SDHAF3: variants seen among roughly 807,000 people sequenced by gnomAD.
SDHAF3 encodes the protein succinate dehydrogenase complex assembly factor 3.
SDHAF3 carries 18 observed loss-of-function variants against 11.5 expected under a neutral mutation model. The ratio of observed to expected loss-of-function variants is 1.56; its 90% CI spans 1.08 to 2.32. The LOEUF (loss-of-function observed/expected upper bound fraction) is 2.32. SDHAF3 is among the 30% of genes most tolerant of loss of function. SDHAF3 has a pLI of 0.00. For missense variants in SDHAF3, 200 were observed against 154.4 expected, an observed-to-expected ratio of 1.30 and a Z score of -1.57; for synonymous variants, 72 against 59.3, an observed-to-expected ratio of 1.21 and a Z score of -0.99.
chr7:97,152,909 C>T (rs1055882520), intron 1 of SDHAF3, among the ~76,000 whole-genome samples: 5 of 152,200 alleles, frequency 3.3e-5, no homozygotes, highest in African/African-American at 1.2e-4. Flanking sequence ...CCCGCCATGC[C>T]CGCCATGGCC....
At chr7:97,145,279 G>C (rs1019291117) in intron 1 of SDHAF3, among the ~76,000 whole-genome samples, 3 of 152,008 alleles carry the variant, frequency 2.0e-5, no homozygotes, top group African/African-American at 7.2e-5. Context: ...TGTCTGGGAA[G>C]ATGTAACTAA....
intron 1 of SDHAF3, among the ~76,000 whole-genome samples, chr7:97,158,653 G>C (rs1461891461): frequency 6.6e-6 from 1 of 152,088 alleles, no homozygotes; most frequent in African/African-American, 2.4e-5. Flanking sequence ...GTAATTCTTT[G>C]AAATGGAAAG....
At chr7:97,172,274 C>T (rs1789611759) in intron 1 of SDHAF3, among the ~76,000 whole-genome samples, 1 of 152,126 alleles carries the variant, frequency 6.6e-6, no homozygotes, top group African/African-American at 2.4e-5. Flanking sequence ...TTAACTATTG[C>T]ATGCTCTTTT....
intron 1 of SDHAF3, 149 bp downstream of exon 1, chr7:97,118,046 G>C: frequency 1.0e-6 from 1 of 996,854 alleles, no homozygotes; most frequent in Non-Finnish European, 1.4e-6. Flanking sequence ...ACTTTCCAAA[G>C]TTTCTCCCAC....
At chr7:97,164,479 C>T (rs1463247532) in intron 1 of SDHAF3, among the ~76,000 whole-genome samples, 3 of 150,098 alleles carry the variant, frequency 2.0e-5, no homozygotes, top group Non-Finnish European at 4.4e-5. Flanking sequence ...CGGATTAAAG[C>T]GATTCTCCTG....
intron 1 of SDHAF3, among the ~76,000 whole-genome samples, chr7:97,165,357 C>CTTTTTTTTTTTTTTTTTTTTTTTTT (rs10653828): frequency 3.9e-5 from 3 of 77,022 alleles, no homozygotes; most frequent in East Asian, 4.3e-4. Flanking sequence ...ATTTTCCTAC[C>CTTTTTTTTTTTTTTTTTTTTTTTTT]TTTTTTTTTT....
In SDHAF3 at chr7:97,119,124, CAA is replaced by C. The variant is rs35040176; in HGVS notation, c.174+1230_174+1231del. ...TAAAATAATAAGTGTTTATGCATCT[CAA>C]AATTTACGTATGTAAATGTATTTAC... On this transcript the variant is annotated intron_variant, in intron 1 of 1. Coordinates refer to ENST00000432641, the MANE Select transcript of SDHAF3 (RefSeq NM_020186.3). Among the ~76,000 whole-genome samples the C allele has an allele frequency of 1.2e-4, 19 of 152,218 alleles. No homozygotes were observed. In the East Asian group the frequency reaches 3.5e-3, roughly 28 times the overall value.
At chr7:97,147,389 A>T (rs1789152233) in intron 1 of SDHAF3, among the ~76,000 whole-genome samples, 1 of 152,238 alleles carries the variant, frequency 6.6e-6, no homozygotes, top group South Asian at 2.1e-4. Flanking sequence ...TTTCAAAAAC[A>T]CTTCATTAAA....
rs75104625 is a variant in SDHAF3 at position 97,142,379 on chromosome 7, T to G, written c.174+24482T>G. On this transcript the variant is annotated intron_variant, in intron 1 of 1. Coordinates refer to ENST00000432641, the MANE Select transcript of SDHAF3 (RefSeq NM_020186.3). ...GAATTGTAGTGTTTATAAAGATTAATAATGTAAACAAAGTCTTAAATTCTG... is the reference window on the plus strand; with the variant it reads ...GAATTGTAGTGTTTATAAAGATTAAGAATGTAAACAAAGTCTTAAATTCTG... Among the ~76,000 whole-genome samples the G allele has an allele frequency of 4.5e-3, 684 of 152,230 alleles. 9 individuals carry two copies. The highest frequency in any genetic ancestry group is 0.016 in the African/African-American group (646 of 41,538).
At chr7:97,176,900 T>C (rs1789687916) in intron 1 of SDHAF3, among the ~76,000 whole-genome samples, 1 of 152,162 alleles carries the variant, frequency 6.6e-6, no homozygotes. Context: ...AATATTTAGT[T>C]CACTTTTTTA....
rs1791426799 is a variant in SDHAF3, at chr7:97,117,774, G to T, written c.51G>T (p.Leu17Phe). ...TCCGGGCATTGTACAAGCGCGTCTT[G>T]CAGCTGCACCGTGTTCTGCCCCCGG... ...SRVRALYKRV[L>F]QLHRVLPPDL... The change falls in exon 1 of 2, where the codon TTG (leucine) becomes TTT (phenylalanine). Residue 17 changes from leucine (L) to phenylalanine (F), a missense_variant. Coordinates refer to ENST00000432641, the MANE Select transcript of SDHAF3 (RefSeq NM_020186.3). 1.2e-6 allele frequency: 2 copies of T among 1,614,186 alleles called. No individual in the cohort carries two copies. The highest frequency in any genetic ancestry group is 2.7e-5 in the African/African-American group (2 of 75,038).
rs1423949125 is a variant in SDHAF3 at position 97,167,594 on chromosome 7, T to TATTA, written c.175-13417_175-13414dup. ...TAGTCGGCTGTACAGGAGATTAGTT[T>TATTA]ATTATTATTCAAATCAATCTCTCCA... On this transcript the variant is annotated intron_variant, in intron 1 of 1. Coordinates refer to ENST00000432641, the MANE Select transcript of SDHAF3 (RefSeq NM_020186.3). 2.6e-5 allele frequency among the ~76,000 whole-genome samples: 4 copies of TATTA among 152,220 alleles called. No homozygotes were observed. In the East Asian group the frequency reaches 7.7e-4, roughly 29 times the overall value.
At chr7:97,178,494 T>C (rs1401204338) in intron 1 of SDHAF3, among the ~76,000 whole-genome samples, 2 of 152,200 alleles carry the variant, frequency 1.3e-5, no homozygotes, top group Admixed American at 6.5e-5. Flanking sequence ...ATTATCAATG[T>C]ATGAGGATTC....
intron 1 of SDHAF3, among the ~76,000 whole-genome samples, chr7:97,148,374 CAAT>C (rs1487349909): frequency 3.9e-5 from 6 of 152,162 alleles, no homozygotes; most frequent in African/African-American, 1.4e-4. Context: ...GTCTCTACAA[CAAT>C]GTTTTAAAAA....
At chr7:97,167,969 G>GC (rs1431856720) in intron 1 of SDHAF3, among the ~76,000 whole-genome samples, 1 of 152,214 alleles carries the variant, frequency 6.6e-6, no homozygotes, top group African/African-American at 2.4e-5. Context: ...GCCTGGGCAT[G>GC]CCCACAGTGA....
intron 1 of SDHAF3, 99 bp downstream of exon 1, chr7:97,117,996 A>C: frequency 7.2e-7 from 1 of 1,393,034 alleles, no homozygotes; most frequent in Non-Finnish European, 9.8e-7. Context: ...CAGAGCAGCA[A>C]CCTGTTCTGT....
chr7:97,127,616 T>C (rs1181758445), intron 1 of SDHAF3, among the ~76,000 whole-genome samples: 3 of 152,202 alleles, frequency 2.0e-5, no homozygotes, highest in African/African-American at 7.2e-5. Flanking sequence ...GATGGGTATT[T>C]GGCTAGTTTT....
At chr7:97,154,924 C>T (rs116000158) in intron 1 of SDHAF3, among the ~76,000 whole-genome samples, 93 of 152,226 alleles carry the variant, frequency 6.1e-4, no homozygotes, top group African/African-American at 2.2e-3. Context: ...TACTCGGGTA[C>T]CTTAGTAAAA....
intron 1 of SDHAF3, among the ~76,000 whole-genome samples, chr7:97,149,416 A>T (rs1056755191): frequency 6.6e-6 from 1 of 152,180 alleles, no homozygotes; most frequent in African/African-American, 2.4e-5. Context: ...ATTGCCAAAC[A>T]ATACATAGTT....
Sources: gnomAD v4.1 joint callset for allele counts (sites outside exome capture counted in the v4.1 genomes callset) on GRCh38, gnomAD v4.1.1 for gene constraint, MANE v1.5 for transcripts, NCBI Gene and HGNC (gene_info 2026-07-23, HGNC 2026-07-21) for gene names.